Variants in FRS2 observed in about 807,000 individuals in gnomAD.
FRS2 encodes fibroblast growth factor receptor substrate 2, also known as FGFR signalling adaptor.
Under a neutral mutation model 43.9 loss-of-function variants are expected in FRS2, and 8 were observed. That is an observed-to-expected ratio of 0.18 (90% CI 0.11 to 0.33). FRS2 has a LOEUF of 0.33. Ranked by LOEUF, FRS2 falls within the 10% of genes least tolerant of loss-of-function variation. The pLI is 1.00. For synonymous variants in FRS2, 219 were observed against 220.3 expected (o/e 0.99, Z 0.05); for missense variants, 534 against 627.6 (o/e 0.85, Z 1.59).
chr12:69,478,027 C>G (rs1412054086), intron 1 of FRS2, among the ~76,000 whole-genome samples: 2 of 152,198 alleles, frequency 1.3e-5, no homozygotes, highest in African/African-American at 4.8e-5. Context: ...AGGTGTGAGC[C>G]ACCGCGCCCG....
At chr12:69,526,727 CT>C (rs1175830236) in intron 1 of FRS2, among the ~76,000 whole-genome samples, 1,788 of 144,198 alleles carry the variant, frequency 0.012, 22 homozygotes, top group African/African-American at 0.037. Flanking sequence ...AGTGTAGAAA[CT>C]TTTTTTTTTT....
Position 69,498,519 on chromosome 12 carries a change from T to TTGTGTGTGTGTGTGTGTGTGTGTG in FRS2, c.-261+27999_-261+28022dup, listed in dbSNP as rs71094717. Among the ~76,000 whole-genome samples the TTGTGTGTGTGTGTGTGTGTGTGTG allele has an allele frequency of 1.1e-3, 156 of 141,582 alleles. 1 individual carries two copies. Among genetic ancestry groups the TTGTGTGTGTGTGTGTGTGTGTGTG allele is most frequent in the Middle Eastern group, 3.5e-3 (1 of 286 alleles). The allele number at this position is 141,582 out of a possible 152,430, so 92.9% of individuals were successfully genotyped here. ...AACTTTCTTAAACCATTATGAGGGT[T>TTGTGTGTGTGTGTGTGTGTGTGTG]TGTGTGTGTGTGTGTGTGTGTGTGT... is the stretch of plus-strand genomic sequence containing the variant. On this transcript the variant is annotated intron_variant, in intron 1 of 8. Transcript: ENST00000549921.
At chr12:69,489,108 G>T (rs899622360) in intron 1 of FRS2, among the ~76,000 whole-genome samples, 3 of 152,170 alleles carry the variant, frequency 2.0e-5, no homozygotes, top group South Asian at 2.1e-4. Context: ...GGTCAGGCAG[G>T]TGATAATAGT....
chr12:69,483,970 G>A (rs1302791733), intron 1 of FRS2, among the ~76,000 whole-genome samples: 2 of 152,032 alleles, frequency 1.3e-5, no homozygotes, highest in Non-Finnish European at 2.9e-5. Flanking sequence ...TCACTGTTGT[G>A]GTTTTAGAGT....
chr12:69,521,636 G>C, intron 1 of FRS2, among the ~76,000 whole-genome samples: 1 of 151,694 alleles, frequency 6.6e-6, no homozygotes, highest in East Asian at 1.9e-4. Flanking sequence ...TTTTTTTTGA[G>C]ATGGAGTCTC....
chr12:69,477,293 T>C (rs904950120), intron 1 of FRS2, among the ~76,000 whole-genome samples: 1 of 95,082 alleles, frequency 1.1e-5, no homozygotes, highest in Non-Finnish European at 2.1e-5. Context: ...TTTTTTTTTT[T>C]GGTTTGAGAC....
chr12:69,570,244 A>C, intron 5 of FRS2, 87 bp from the exon 6 acceptor site: 1 of 988,838 alleles, frequency 1.0e-6, no homozygotes, highest in Non-Finnish European at 1.6e-6. Context: ...TGAATGAACT[A>C]ACAAATTACA....
At chr12:69,566,308 G>A (rs1880290521) in intron 4 of FRS2, among the ~76,000 whole-genome samples, 1 of 152,076 alleles carries the variant, frequency 6.6e-6, no homozygotes, top group Non-Finnish European at 1.5e-5. Context: ...AAGCCATACT[G>A]TAGTAATCTT....
chr12:69,526,025 A>C (rs1254830450), intron 1 of FRS2, among the ~76,000 whole-genome samples: 3 of 151,856 alleles, frequency 2.0e-5, no homozygotes, highest in African/African-American at 7.3e-5. Flanking sequence ...ACACCCGGCT[A>C]ATTTTGTGTT....
chr12:69,484,095 C>CTTTTTTTT (rs368221087), intron 1 of FRS2, among the ~76,000 whole-genome samples: 1 of 149,262 alleles, frequency 6.7e-6, no homozygotes. Flanking sequence ...GCTTTTCTTT[C>CTTTTTTTT]TTTTTTTTTG....
intron 3 of FRS2, among the ~76,000 whole-genome samples, chr12:69,536,674 G>T (rs577169183): frequency 2.4e-4 from 36 of 150,984 alleles, no homozygotes; most frequent in African/African-American, 8.3e-4. Context: ...TGGACTCAAC[G>T]ATCCTCCCAC....
At chr12:69,505,348 C>T (rs1245426285) in intron 1 of FRS2, among the ~76,000 whole-genome samples, 1 of 152,122 alleles carries the variant, frequency 6.6e-6, no homozygotes, top group Admixed American at 6.5e-5. Flanking sequence ...GTAGGATTCA[C>T]TGTGTAGCTA....
At chr12:69,538,728 TGTTAA>T (rs1877582719) in intron 3 of FRS2, among the ~76,000 whole-genome samples, 2 of 152,190 alleles carry the variant, frequency 1.3e-5, no homozygotes, top group Non-Finnish European at 2.9e-5. Context: ...AAATGGCATG[TGTTAA>T]GTTTATATTT....
chr12:69,496,476 A>G (rs568604104), intron 1 of FRS2, among the ~76,000 whole-genome samples: 3 of 152,210 alleles, frequency 2.0e-5, no homozygotes, highest in South Asian at 2.1e-4. Flanking sequence ...GAACAAATCC[A>G]TTGCAATAGA....
At chr12:69,476,753 C>CGGGGGGGGGGGGGGG (rs60543134) in intron 1 of FRS2, among the ~76,000 whole-genome samples, 1 of 80,110 alleles carries the variant, frequency 1.2e-5, no homozygotes, top group Non-Finnish European at 2.5e-5. Context: ...GGGGGAGGGA[C>CGGGGGGGGGGGGGGG]GGGGGGGGGT....
intron 1 of FRS2, among the ~76,000 whole-genome samples, chr12:69,485,149 A>G (rs1871789682): frequency 7.2e-6 from 1 of 139,580 alleles, no homozygotes. Flanking sequence ...TCACCCCCCT[A>G]AAACTCTTAA....
chr12:69,523,929 G>A (rs1297574993), intron 1 of FRS2, among the ~76,000 whole-genome samples: 1 of 152,222 alleles, frequency 6.6e-6, no homozygotes, highest in Non-Finnish European at 1.5e-5. Flanking sequence ...TAGGGTGATA[G>A]CAGCAGGCTT....
chr12:69,577,263 G>A lies in FRS2; in HGVS notation c.*2308G>A, dbSNP rs1195244995. 3 of 151,988 alleles carry A rather than the reference G, an allele frequency of 2.0e-5. No individual in the cohort carries two copies. Among genetic ancestry groups the A allele is most frequent in the Non-Finnish European group, 4.4e-5 (3 of 67,974 alleles). The allele number at this position is 151,988 out of a possible 1,614,324, so 9.4% of individuals were successfully genotyped here. On this transcript the variant is annotated 3_prime_UTR_variant, in exon 9 of 9. Transcript: ENST00000549921. ...TTGTCTGCTAAGAATTTGATTTTAG[G>A]TACTATAAGAGTATTAGGAAAATAT...
chr12:69,490,974 T>C (rs978810127), intron 1 of FRS2, among the ~76,000 whole-genome samples: 1 of 152,262 alleles, frequency 6.6e-6, no homozygotes, highest in Non-Finnish European at 1.5e-5. Context: ...TGATCTAAAA[T>C]TTAAAGATAC....
Sources: gnomAD v4.1 joint callset for allele counts (sites outside exome capture counted in the v4.1 genomes callset) on GRCh38, gnomAD v4.1.1 for gene constraint, MANE v1.5 for transcripts, NCBI Gene and HGNC (gene_info 2026-07-23, HGNC 2026-07-21) for gene names.